The following ADGRV1 variants were observed in gnomAD, a reference collection of about 807,000 sequenced individuals.
ADGRV1 encodes G-protein coupled receptor 98.
A neutral mutation model predicts 596.2 loss-of-function variants in ADGRV1; 359 were observed. The ratio of observed to expected loss-of-function variants is 0.60; its 90% CI spans 0.55 to 0.66. The LOEUF (loss-of-function observed/expected upper bound fraction) is 0.66. Among genes scored for constraint, ADGRV1 ranks in the 30% least tolerant of loss-of-function variants. ADGRV1 has a pLI of 0.00. For synonymous variants in ADGRV1, 2,681 were observed against 2,679.2 expected, an observed-to-expected ratio of 1.00 and a Z score of -0.02; for missense variants, 7,274 against 7,575.6, an observed-to-expected ratio of 0.96 and a Z score of 1.48.
chr5:90,927,489 A>T (rs1382935650), intron 83 of ADGRV1, among the ~76,000 whole-genome samples: 2 of 152,170 alleles, frequency 1.3e-5, no homozygotes, highest in African/African-American at 4.8e-5. Context: ...TTTGCTTAGT[A>T]GATCTTCCTC....
intron 85 of ADGRV1, among the ~76,000 whole-genome samples, chr5:91,008,847 T>G (rs944393222): frequency 4.6e-5 from 7 of 152,174 alleles, no homozygotes; most frequent in African/African-American, 1.7e-4. Context: ...GTTCACCAAA[T>G]TCTTGAAAAT....
intron 83 of ADGRV1, among the ~76,000 whole-genome samples, chr5:90,918,998 A>G (rs1773629324): frequency 6.6e-6 from 1 of 152,194 alleles, no homozygotes; most frequent in East Asian, 1.9e-4. Context: ...TTTGAGTTAC[A>G]TTTCTCTAAA....
intron 83 of ADGRV1, among the ~76,000 whole-genome samples, chr5:90,962,767 A>G (rs12522571): frequency 0.16 from 24,753 of 152,182 alleles, 2,336 homozygotes; most frequent in Non-Finnish European, 0.21. Flanking sequence ...AACAACTTTC[A>G]TGATTTACAA....
chr5:90,817,439 T>C (rs1163863854), intron 75 of ADGRV1, among the ~76,000 whole-genome samples: 3 of 151,232 alleles, frequency 2.0e-5, no homozygotes, highest in African/African-American at 4.9e-5. Flanking sequence ...TTGTCAATTT[T>C]GGCTTTTGTT....
At position 90,683,645 on chromosome 5, in the gene ADGRV1, T is replaced by G. The variant is rs1745229485; in HGVS notation, c.5724T>G (p.Asp1908Glu). ...PVTLHWNIDS[D>E]PDGDLAFTSG... is the part of the protein sequence containing the mutation. ...CTTTGCATTGGAACATAGACTCTGA[T>G]CCTGATGGTGATCTCGCCTTCACCT... The change falls in exon 28 of 90, where the codon GAT becomes GAG. Residue 1908 changes from aspartate (D) to glutamate (E), a missense_variant. Asp to Glu is a conservative substitution (Grantham distance 45, BLOSUM62 2). This residue lies in a region of ADGRV1 where 3,643 missense variants were observed against 3,809.2 expected (regional missense o/e 0.96). Coordinates refer to ENST00000405460, the MANE Select transcript of ADGRV1 (RefSeq NM_032119.4). 1.2e-6 allele frequency: 2 copies of G among 1,613,006 alleles called. No individual in the cohort carries two copies. The highest frequency in any genetic ancestry group is 3.3e-5 in the Admixed American group (2 of 59,956).
Position 90,653,787 on chromosome 5 carries a change from TCCAATGCTACATACATTGC to T in ADGRV1, c.4215_4233del (p.Asn1406ArgfsTer5). On this transcript the variant is annotated frameshift_variant, in exon 20 of 90. Transcript: ENST00000405460. LOFTEE classifies it high-confidence loss of function. The stretch of plus-strand genomic sequence containing the variant: ...TTCCCTTCATTATAAAACCTTGGGT[TCCAATGCTACATACATTGC>T]CAAGACAACAGTCATGAAATATTTA... The T allele has an allele frequency of 6.2e-7, 1 of 1,613,582 alleles. No homozygotes were observed. Among genetic ancestry groups the T allele is most frequent in the Non-Finnish European group, 8.5e-7 (1 of 1,179,730 alleles).
chr5:90,743,128 G>C (rs955740076), intron 50 of ADGRV1, among the ~76,000 whole-genome samples: 5 of 152,152 alleles, frequency 3.3e-5, no homozygotes, highest in African/African-American at 9.7e-5. Context: ...TGAGACTATT[G>C]AATCAGCTCA....
At chr5:91,010,966 A>G (rs2151145809) in intron 85 of ADGRV1, among the ~76,000 whole-genome samples, 1 of 152,108 alleles carries the variant, frequency 6.6e-6, no homozygotes, top group Non-Finnish European at 1.5e-5. Flanking sequence ...TGATGAGTGA[A>G]TGATTTCTTA....
At chr5:90,845,824 T>C (rs1026421153) in intron 78 of ADGRV1, among the ~76,000 whole-genome samples, 1 of 152,242 alleles carries the variant, frequency 6.6e-6, no homozygotes, top group Non-Finnish European at 1.5e-5. Context: ...TAGCCTGTTA[T>C]CTTTTCTCTG....
chr5:90,648,866 C>T (rs539001641), intron 17 of ADGRV1, among the ~76,000 whole-genome samples: 1 of 152,230 alleles, frequency 6.6e-6, no homozygotes, highest in East Asian at 1.9e-4. Context: ...CTTACGTAGA[C>T]TAAAAACATT....
chr5:90,839,791 T>C (rs994154096), intron 77 of ADGRV1, among the ~76,000 whole-genome samples: 2 of 152,206 alleles, frequency 1.3e-5, no homozygotes, highest in Non-Finnish European at 2.9e-5. Context: ...TCATAGAACT[T>C]GTCTTCAGGT....
At chr5:90,976,345 T>C (rs1779608935) in intron 84 of ADGRV1, among the ~76,000 whole-genome samples, 1 of 145,002 alleles carries the variant, frequency 6.9e-6, no homozygotes, top group African/African-American at 2.6e-5. Context: ...TATATATATA[T>C]ATATGTATAT....
At chr5:90,865,015 A>G (rs1767960183) in intron 83 of ADGRV1, among the ~76,000 whole-genome samples, 1 of 152,116 alleles carries the variant, frequency 6.6e-6, no homozygotes, top group Non-Finnish European at 1.5e-5. Context: ...ATAAAATGGA[A>G]AATTATCTTA....
intron 85 of ADGRV1, among the ~76,000 whole-genome samples, chr5:91,057,100 C>T (rs569454799): frequency 1.3e-5 from 2 of 152,330 alleles, no homozygotes; most frequent in Admixed American, 1.3e-4. Context: ...CTCCTCTCCA[C>T]ACACCTAGGT....
chr5:90,674,430 A>C (rs1485479720), intron 23 of ADGRV1, 196 bp downstream of exon 23: 2 of 396,336 alleles, frequency 5.0e-6, no homozygotes, highest in East Asian at 7.4e-5. Flanking sequence ...TCAGTTTCCA[A>C]ACTTCAATAA....
At chr5:90,989,433 A>G (rs1456980066) in intron 85 of ADGRV1, among the ~76,000 whole-genome samples, 1 of 152,174 alleles carries the variant, frequency 6.6e-6, no homozygotes, top group African/African-American at 2.4e-5. Context: ...ATATTCTATA[A>G]TCATGAATTA....
At position 90,653,226 on chromosome 5, in the gene ADGRV1, G is replaced by T; in HGVS notation, c.3652G>T (p.Gly1218Trp). The change falls in exon 20 of 90, where the codon GGG becomes TGG. Residue 1218 changes from glycine to tryptophan, a missense_variant. This residue lies in a region of ADGRV1 where 1,715 missense variants were observed against 1,708.8 expected (regional missense o/e 1.00). Transcript: ENST00000405460. ...TGTTACAGGTGGATCCCCAGGTCCT[G>T]GGGGCCAGCTAGCAGAAACCAACCT... ...VNISGGSPGP[G>W]GQLAETNLQV... 1 of 1,609,686 alleles carries T rather than the reference G, an allele frequency of 6.2e-7. No homozygotes were observed. The highest frequency in any genetic ancestry group is 8.5e-7 in the Non-Finnish European group (1 of 1,177,016).
At chr5:90,799,272 A>G (rs532684050) in intron 70 of ADGRV1, among the ~76,000 whole-genome samples, 3 of 152,318 alleles carry the variant, frequency 2.0e-5, no homozygotes, top group East Asian at 1.9e-4. Context: ...AAGTATTCTT[A>G]TACACCAATA....
chr5:90,763,589 A>C (rs2049009), intron 59 of ADGRV1, 120 bp downstream of exon 59: 29,103 of 952,030 alleles, frequency 0.031, 564 homozygotes, highest in Non-Finnish European at 0.038. Flanking sequence ...ATATTGCATA[A>C]TGCTGGGGTT....
Sources: gnomAD v4.1 joint callset for allele counts (sites outside exome capture counted in the v4.1 genomes callset) on GRCh38, gnomAD v4.1.1 for gene constraint, gnomAD v4.1.1 regional missense constraint, MANE v1.5 for transcripts, NCBI Gene and HGNC (gene_info 2026-07-23, HGNC 2026-07-21) for gene names.